The following LRRC7 variants were observed in gnomAD, a reference collection of about 807,000 sequenced individuals.
LRRC7 encodes the protein leucine-rich repeat-containing protein 7.
LRRC7 carries 23 observed loss-of-function variants against 175.7 expected under a neutral mutation model. The observed-to-expected ratio is 0.13, with a 90% CI of 0.09 to 0.19. LRRC7 has a LOEUF of 0.19. LRRC7 is among the 10% of genes least tolerant of loss of function. The probability of loss-of-function intolerance (pLI) is 1.00; values close to 1 mark genes in which losing one functional copy is unlikely to be tolerated. For synonymous variants in LRRC7, 685 were observed against 680.9 expected (o/e 1.01, Z -0.09); for missense variants, 1,354 against 1,904.7 (o/e 0.71, Z 5.38).
In LRRC7 at chr1:70,125,925, C is replaced by T. The variant is rs1036005362; in HGVS notation, c.*4038C>T. ...GTTAGATGAAAGAAACCAAAAAAAC[C>T]ATTTTATTTTTAATCATAAAATCTA... On this transcript the variant is annotated 3_prime_UTR_variant, in exon 27 of 27. Transcript: ENST00000651989. 1.3e-5 allele frequency among the ~76,000 whole-genome samples: 2 copies of T among 150,870 alleles called. No individual in the cohort carries two copies. The highest frequency in any genetic ancestry group is 2.4e-5 in the African/African-American group (1 of 41,118).
chr1:69,659,457 C>A lies in LRRC7; in HGVS notation c.3-18924C>A, dbSNP rs554071690. Among the ~76,000 whole-genome samples, 3 of 148,004 alleles carry A rather than the reference C, an allele frequency of 2.0e-5. No individual in the cohort carries two copies. In the South Asian group the frequency reaches 6.4e-4, roughly 32 times the overall value. On this transcript the variant is annotated intron_variant, in intron 1 of 26. Transcript: ENST00000651989. ...CCAGTAAAAAAAATGTATAAATAGA[C>A]AATGTCATAGTGAAACTGAAGAACA...
intron 2 of LRRC7, among the ~76,000 whole-genome samples, chr1:69,703,597 A>G (rs1292046882): frequency 1.3e-5 from 2 of 152,026 alleles, no homozygotes; most frequent in Non-Finnish European, 1.5e-5. Context: ...TTACATATCT[A>G]TATATCTATT....
In LRRC7 at chr1:69,865,793, T is replaced by C. The variant is rs535880515; in HGVS notation, c.647+27510T>C. ...CCGCGCCCGGCCCGACCGTTCCTTTTATGTAAGTGATAAAGATAAACAGCG... is the reference window on the plus strand; with the variant it reads ...CCGCGCCCGGCCCGACCGTTCCTTTCATGTAAGTGATAAAGATAAACAGCG... On this transcript the variant is annotated intron_variant, in intron 7 of 26. Transcript: ENST00000651989. Among the ~76,000 whole-genome samples, 75 of 152,162 alleles carry C rather than the reference T, an allele frequency of 4.9e-4. 2 individuals carry two copies. The highest frequency in any genetic ancestry group is 1.7e-3 in the African/African-American group (69 of 41,542).
chr1:70,086,314 A>T (rs1212346687), intron 24 of LRRC7, among the ~76,000 whole-genome samples: 1 of 151,966 alleles, frequency 6.6e-6, no homozygotes. Flanking sequence ...CCATTTTATT[A>T]AAAAAGCCTT....
intron 1 of LRRC7, among the ~76,000 whole-genome samples, chr1:69,625,914 T>G (rs1651444786): frequency 6.6e-6 from 1 of 152,214 alleles, no homozygotes; most frequent in Admixed American, 6.5e-5. Context: ...GTTTTGCCAT[T>G]GGTCTGGTGT....
intron 7 of LRRC7, chr1:69,874,472 A>C (rs904991314): frequency 2.0e-5 from 3 of 152,140 alleles, no homozygotes; most frequent in Non-Finnish European, 4.4e-5. Context: ...AACAAGTCAA[A>C]ATACAAATAA....
chr1:69,850,801 G>A (rs1232699066), intron 7 of LRRC7, among the ~76,000 whole-genome samples: 1 of 152,078 alleles, frequency 6.6e-6, no homozygotes, highest in Admixed American at 6.6e-5. Flanking sequence ...AGTTTGAGAT[G>A]TCTATTAAAC....
chr1:69,705,004 C>G (rs574498688), intron 2 of LRRC7, among the ~76,000 whole-genome samples: 1 of 152,146 alleles, frequency 6.6e-6, no homozygotes, highest in Non-Finnish European at 1.5e-5. Flanking sequence ...CTTTAAAACA[C>G]CATTTATAGA....
At chr1:69,829,568 A>G (rs1000864127) in intron 5 of LRRC7, among the ~76,000 whole-genome samples, 13 of 151,734 alleles carry the variant, frequency 8.6e-5, no homozygotes, top group African/African-American at 2.4e-4. Context: ...CATTTGTTCT[A>G]TGTAACTGTG....
At chr1:69,984,073 C>T (rs2101894379) in intron 9 of LRRC7, among the ~76,000 whole-genome samples, 1 of 152,086 alleles carries the variant, frequency 6.6e-6, no homozygotes, top group Middle Eastern at 3.4e-3. Context: ...TTACAGGTGC[C>T]CGCCACCATA....
chr1:69,779,256 C>CA (rs1673208539), intron 3 of LRRC7, among the ~76,000 whole-genome samples: 1 of 152,128 alleles, frequency 6.6e-6, no homozygotes, highest in African/African-American at 2.4e-5. Context: ...CAAGCATGCT[C>CA]ATCCACACAT....
chr1:69,603,204 C>G (rs1647151095), intron 1 of LRRC7, among the ~76,000 whole-genome samples: 1 of 152,060 alleles, frequency 6.6e-6, no homozygotes, highest in South Asian at 2.1e-4. Flanking sequence ...GATCTCATCC[C>G]AAGATTTAAA....
intron 25 of LRRC7, among the ~76,000 whole-genome samples, chr1:70,094,904 GT>G (rs1403274672): frequency 1.3e-5 from 2 of 152,136 alleles, no homozygotes; most frequent in Non-Finnish European, 2.9e-5. Context: ...CCTATTTCCT[GT>G]CAGGTTTTCT....
In LRRC7 at chr1:69,792,068, G is replaced by A. The variant is rs267598703; in HGVS notation, c.329G>A (p.Arg110Gln). Residue 110 changes from arginine to glutamine, a missense_variant, in exon 4 of 27, where the codon CGA becomes CAA. Physicochemically the swap from Arg to Gln is conservative, Grantham distance 43. This residue lies in a region of LRRC7 where 201 missense variants were observed against 481.4 expected (regional missense o/e 0.42). Transcript: ENST00000651989. ...PKQLFNCQAL[R>Q]KLSIPDNDLS... ...CAATTGTTCAACTGTCAAGCTCTAC[G>A]AAAACTAAGTATTCCTGATAACGAC... 8.1e-6 allele frequency: 13 copies of A among 1,607,296 alleles called. No individual in the cohort carries two copies. Among genetic ancestry groups the A allele is most frequent in the Non-Finnish European group, 9.4e-6 (11 of 1,175,236 alleles).
intron 7 of LRRC7, among the ~76,000 whole-genome samples, chr1:69,857,350 C>T (rs986773929): frequency 1.2e-4 from 18 of 152,174 alleles, no homozygotes; most frequent in Non-Finnish European, 2.1e-4. Context: ...GACATGATTG[C>T]ATATTTAGAA....
At chr1:69,961,817 C>T (rs751009307) in intron 8 of LRRC7, among the ~76,000 whole-genome samples, 3 of 152,090 alleles carry the variant, frequency 2.0e-5, no homozygotes, top group Non-Finnish European at 1.5e-5. Context: ...TTCCTTATAC[C>T]ATATACAAAA....
intron 11 of LRRC7, among the ~76,000 whole-genome samples, chr1:69,998,337 G>A (rs1212805562): frequency 6.6e-6 from 1 of 152,052 alleles, no homozygotes; most frequent in Non-Finnish European, 1.5e-5. Context: ...CATCTAGAAA[G>A]CTTCACTTTT....
intron 7 of LRRC7, among the ~76,000 whole-genome samples, chr1:69,923,149 T>A (rs535967291): frequency 3.9e-5 from 6 of 152,258 alleles, no homozygotes; most frequent in South Asian, 2.1e-4. Context: ...ACATGAACTC[T>A]TCATTTTTTA....
intron 1 of LRRC7, among the ~76,000 whole-genome samples, chr1:69,577,812 G>T (rs1045755694): frequency 6.6e-6 from 1 of 152,090 alleles, no homozygotes; most frequent in Non-Finnish European, 1.5e-5. Flanking sequence ...GTCAGGTAGC[G>T]TGATGCCTCC....
Sources: allele counts gnomAD v4.1 joint callset (sites outside exome capture counted in the v4.1 genomes callset), GRCh38; gene constraint gnomAD v4.1.1; regional missense constraint gnomAD v4.1.1; transcripts MANE v1.5; gene names NCBI Gene and HGNC (gene_info 2026-07-23, HGNC 2026-07-21).